NRG3: variants seen among roughly 807,000 people sequenced by gnomAD.
The protein encoded by NRG3 is neuregulin 3, also known as pro-neuregulin-3, membrane-bound isoform.
In NRG3, 31 loss-of-function variants were observed where a neutral mutation model predicts 66.9. That is an observed-to-expected ratio of 0.46 (90% CI 0.35 to 0.63). The LOEUF is 0.63. NRG3 is among the 20% of genes least tolerant of loss of function. The probability of loss-of-function intolerance (pLI) is 0.00; values close to 1 mark genes in which losing one functional copy is unlikely to be tolerated. For missense variants in NRG3, 910 were observed against 878.9 expected, an observed-to-expected ratio of 1.04 and a Z score of -0.45; for synonymous variants, 393 against 359.4, an observed-to-expected ratio of 1.09 and a Z score of -1.06.
Position 82,254,757 on chromosome 10 carries a change from C to T in NRG3, c.824-103982C>T, listed in dbSNP as rs534306600. On this transcript the variant is annotated intron_variant, in intron 1 of 8. Transcript: ENST00000372141. ...ACAAAAGTATTTCAAATGGCCAAAG[C>T]TGAAAAAATTTGAGCAACAAAATAA... Among the ~76,000 whole-genome samples, 20 of 151,852 alleles carry T rather than the reference C, an allele frequency of 1.3e-4. No individual in the cohort carries two copies. In the South Asian group the frequency reaches 4.2e-3, roughly 32 times the overall value.
In NRG3 at chr10:82,643,806, C is replaced by T. The variant is rs1485335366; in HGVS notation, c.954-94771C>T. 4.0e-5 allele frequency among the ~76,000 whole-genome samples: 6 copies of T among 151,886 alleles called. No individual in the cohort carries two copies. In the South Asian group the frequency reaches 6.2e-4, roughly 16 times the overall value. The stretch of plus-strand genomic sequence containing the variant: ...GGGCTAATCCTGGGTTCTACTTATT[C>T]GTTATTTGTCTCACTGCTTTTCAGC... On this transcript the variant is annotated intron_variant, in intron 2 of 8. Transcript: ENST00000372141.
At chr10:82,445,067 C>T (rs77043730) in intron 2 of NRG3, among the ~76,000 whole-genome samples, 2,288 of 152,114 alleles carry the variant, frequency 0.015, 43 homozygotes, top group African/African-American at 0.046. Flanking sequence ...AACTCCAGCA[C>T]ACAAAGCATT....
At chr10:82,487,727 A>G (rs1280762014) in intron 2 of NRG3, among the ~76,000 whole-genome samples, 1 of 152,258 alleles carries the variant, frequency 6.6e-6, no homozygotes, top group African/African-American at 2.4e-5. Context: ...AGTTTTAAGA[A>G]AAGACAAACA....
intron 2 of NRG3, among the ~76,000 whole-genome samples, chr10:82,431,253 A>T (rs1053958741): frequency 1.3e-5 from 2 of 152,166 alleles, no homozygotes; most frequent in Admixed American, 1.3e-4. Flanking sequence ...AAAGAGATCA[A>T]CTAGTAACAG....
chr10:82,528,300 G>T (rs1030843594), intron 2 of NRG3, among the ~76,000 whole-genome samples: 4 of 152,152 alleles, frequency 2.6e-5, no homozygotes, highest in African/African-American at 9.7e-5. Flanking sequence ...AGTTACATCT[G>T]CTGGCTCTAA....
intron 2 of NRG3, among the ~76,000 whole-genome samples, chr10:82,544,010 G>T (rs1340844841): frequency 6.6e-6 from 1 of 152,126 alleles, no homozygotes. Context: ...AATAATGAGA[G>T]TTTTTGCCTT....
chr10:82,914,652 T>A (rs1845658886), intron 4 of NRG3, among the ~76,000 whole-genome samples: 1 of 152,134 alleles, frequency 6.6e-6, no homozygotes, highest in African/African-American at 2.4e-5. Flanking sequence ...TGTGGTAAGG[T>A]GTGCAGGAAA....
chr10:82,059,287 G>A (rs971159334), intron 1 of NRG3, among the ~76,000 whole-genome samples: 6 of 152,168 alleles, frequency 3.9e-5, no homozygotes, highest in Non-Finnish European at 5.9e-5. Context: ...GGGATGGGCT[G>A]ATTTAGAGGA....
chr10:81,964,601 G>A (rs1449015935), intron 1 of NRG3, among the ~76,000 whole-genome samples: 2 of 152,122 alleles, frequency 1.3e-5, no homozygotes, highest in Admixed American at 1.3e-4. Context: ...GCACCTGGGT[G>A]AGTATGTGAC....
At chr10:81,952,405 G>A (rs1849452653) in intron 1 of NRG3, among the ~76,000 whole-genome samples, 1 of 152,048 alleles carries the variant, frequency 6.6e-6, no homozygotes. Context: ...GCGTGTGAGA[G>A]AGAGGGAGGG....
chr10:81,935,877 A>G (rs986572015), intron 1 of NRG3, among the ~76,000 whole-genome samples: 2 of 28,244 alleles, frequency 7.1e-5, no homozygotes, highest in African/African-American at 3.7e-4. Flanking sequence ...CAGTGCCTGA[A>G]CACACACACA....
intron 2 of NRG3, among the ~76,000 whole-genome samples, chr10:82,379,883 T>C (rs1364599785): frequency 3.2e-5 from 2 of 61,946 alleles, no homozygotes; most frequent in African/African-American, 1.6e-4. Context: ...TGAAGAAAGG[T>C]AGGCAGATTC....
intron 2 of NRG3, among the ~76,000 whole-genome samples, chr10:82,446,864 G>A (rs1436518254): frequency 6.6e-6 from 1 of 152,172 alleles, no homozygotes; most frequent in East Asian, 1.9e-4. Context: ...AACCTTGTAA[G>A]ATTTTGGTTC....
At chr10:82,714,615 A>C (rs1404074143) in intron 2 of NRG3, among the ~76,000 whole-genome samples, 1 of 152,244 alleles carries the variant, frequency 6.6e-6, no homozygotes, top group Non-Finnish European at 1.5e-5. Context: ...ATGATACCTT[A>C]ATTTAAAAAT....
At chr10:82,876,110 G>C (rs1841796505) in intron 4 of NRG3, among the ~76,000 whole-genome samples, 1 of 152,162 alleles carries the variant, frequency 6.6e-6, no homozygotes, top group Non-Finnish European at 1.5e-5. Flanking sequence ...AAATTTGATT[G>C]GTAGACACTG....
At chr10:81,949,372 A>G (rs1849130229) in intron 1 of NRG3, among the ~76,000 whole-genome samples, 1 of 152,210 alleles carries the variant, frequency 6.6e-6, no homozygotes, top group Non-Finnish European at 1.5e-5. Flanking sequence ...CATAGATAGA[A>G]CAAGTGGGTA....
intron 1 of NRG3, among the ~76,000 whole-genome samples, chr10:82,034,213 C>T (rs1337542285): frequency 1.3e-5 from 2 of 152,078 alleles, no homozygotes; most frequent in Non-Finnish European, 2.9e-5. Flanking sequence ...AGCATTAAGT[C>T]TATAATGAGT....
At position 82,985,972 on chromosome 10, in the gene NRG3, C is replaced by T. The variant is rs961204177; in HGVS notation, c.*367C>T. On this transcript the variant is annotated 3_prime_UTR_variant, in exon 9 of 9. Transcript: ENST00000372141. Reference sequence around the variant, plus strand: ...TTTCAAAAAGAGGAGAGCTGCATCCCGCAGGTGGATGCACCAGTGAGCAGG... The same window carrying T: ...TTTCAAAAAGAGGAGAGCTGCATCCTGCAGGTGGATGCACCAGTGAGCAGG... 13 of 182,770 alleles carry T rather than the reference C, an allele frequency of 7.1e-5. No individual in the cohort carries two copies. Among genetic ancestry groups the T allele is most frequent in the African/African-American group, 2.2e-4 (9 of 41,840 alleles). 11.3% of individuals were successfully genotyped at this position (182,770 alleles called of 1,614,324 possible). A position where few individuals can be genotyped will look rare whatever the true frequency, so the allele number is the denominator to read the frequency against.
intron 1 of NRG3, among the ~76,000 whole-genome samples, chr10:82,286,356 G>C (rs961564695): frequency 1.3e-5 from 2 of 152,158 alleles, no homozygotes; most frequent in Non-Finnish European, 2.9e-5. Flanking sequence ...TAATGTGTAT[G>C]TGTATATGTG....
Sources: gnomAD v4.1 joint callset for allele counts (sites outside exome capture counted in the v4.1 genomes callset) on GRCh38, gnomAD v4.1.1 for gene constraint, MANE v1.5 for transcripts, NCBI Gene and HGNC (gene_info 2026-07-23, HGNC 2026-07-21) for gene names.